PANX1: variants seen among roughly 807,000 people sequenced by gnomAD.
PANX1 encodes the protein pannexin-1.
In PANX1, 30 loss-of-function variants were observed where a neutral mutation model predicts 38.7. The ratio of observed to expected loss-of-function variants is 0.78; its 90% confidence interval spans 0.58 to 1.05. PANX1 has a LOEUF of 1.05. PANX1 is among the 50% of genes least tolerant of loss of function. The pLI, the probability that PANX1 is intolerant of heterozygous loss-of-function variation, is 0.00. For missense variants in PANX1, 551 were observed against 517.2 expected (o/e 1.07, Z -0.63); for synonymous variants, 230 against 212.2 (o/e 1.08, Z -0.73).
At chr11:94,159,299 A>G (rs928445187) in intron 2 of PANX1, among the ~76,000 whole-genome samples, 8 of 151,872 alleles carry the variant, frequency 5.3e-5, no homozygotes, top group African/African-American at 1.7e-4. Flanking sequence ...CTCTTTTTCT[A>G]TTGATTGGAA....
At chr11:94,153,054 CT>C (rs767387031) in intron 1 of PANX1, among the ~76,000 whole-genome samples, 40 of 152,170 alleles carry the variant, frequency 2.6e-4, no homozygotes, top group Non-Finnish European at 4.3e-4. Flanking sequence ...GCTAATAGTT[CT>C]TTGCTTCTTT....
intron 2 of PANX1, among the ~76,000 whole-genome samples, chr11:94,176,672 G>C (rs1234941523): frequency 6.6e-6 from 1 of 151,554 alleles, no homozygotes; most frequent in Non-Finnish European, 1.5e-5. Context: ...GTCAACTTAC[G>C]GCCATCATGG....
chr11:94,147,815 C>T (rs73512249), intron 1 of PANX1, among the ~76,000 whole-genome samples: 4,166 of 152,210 alleles, frequency 0.027, 193 homozygotes, highest in African/African-American at 0.095. Flanking sequence ...TTGACAGTGC[C>T]GTGTCTGATC....
chr11:94,133,757 G>A (rs1393233321), intron 1 of PANX1, among the ~76,000 whole-genome samples: 1 of 152,184 alleles, frequency 6.6e-6, no homozygotes, highest in African/African-American at 2.4e-5. Flanking sequence ...GCCAGAGAAG[G>A]GAGAATCAGT....
chr11:94,176,299 A>G (rs1947231547), intron 2 of PANX1, among the ~76,000 whole-genome samples: 1 of 151,602 alleles, frequency 6.6e-6, no homozygotes, highest in Non-Finnish European at 1.5e-5. Flanking sequence ...CTATATATAT[A>G]TTATTTTATG....
intron 2 of PANX1, chr11:94,175,679 AT>A: frequency 1.0e-5 from 9 of 887,174 alleles, no homozygotes; most frequent in Non-Finnish European, 1.1e-5. Flanking sequence ...TCATGCACTT[AT>A]GTTTTTAAAC....
chr11:94,147,626 G>A (rs971767363), intron 1 of PANX1, among the ~76,000 whole-genome samples: 1 of 152,192 alleles, frequency 6.6e-6, no homozygotes, highest in Non-Finnish European at 1.5e-5. Context: ...AGCGGGCTGC[G>A]TTGTTCATAC....
intron 1 of PANX1, among the ~76,000 whole-genome samples, chr11:94,148,930 T>C (rs1200929165): frequency 3.3e-5 from 5 of 152,132 alleles, no homozygotes; most frequent in African/African-American, 1.2e-4. Flanking sequence ...CACCTCCTCT[T>C]TCTTGTGTTT....
intron 1 of PANX1, among the ~76,000 whole-genome samples, chr11:94,139,216 G>C (rs1946733535): frequency 6.6e-6 from 1 of 152,144 alleles, no homozygotes; most frequent in Non-Finnish European, 1.5e-5. Flanking sequence ...TTTTAGATGT[G>C]AGTAGATACC....
chr11:94,180,450 C>T (rs72972549), intron 4 of PANX1, among the ~76,000 whole-genome samples, 193 bp downstream of exon 4: 3,487 of 152,258 alleles, frequency 0.023, 51 homozygotes, highest in Non-Finnish European at 0.03. Flanking sequence ...AGAATTGGTG[C>T]TGCTCTACAT....
chr11:94,140,370 CA>C (rs1323040809), intron 1 of PANX1, among the ~76,000 whole-genome samples: 7 of 152,352 alleles, frequency 4.6e-5, no homozygotes, highest in African/African-American at 1.7e-4. Flanking sequence ...TTTATGGACA[CA>C]CCTCAATCTC....
chr11:94,151,628 T>A (rs1429414918), intron 1 of PANX1, among the ~76,000 whole-genome samples: 1 of 152,234 alleles, frequency 6.6e-6, no homozygotes, highest in Non-Finnish European at 1.5e-5. Flanking sequence ...TAGGAAGCAT[T>A]TCACACTGAT....
In PANX1 at chr11:94,157,966, A is replaced by G. The variant is rs1946975203; in HGVS notation, c.321+4336A>G. 2.0e-5 allele frequency among the ~76,000 whole-genome samples: 3 copies of G among 152,222 alleles called. No homozygotes were observed. The South Asian group carries it at 6.2e-4, about 32-fold the overall frequency. On this transcript the variant is annotated intron_variant, in intron 2 of 4. Coordinates refer to ENST00000227638, the MANE Select transcript of PANX1 (RefSeq NM_015368.4). ...CAGCTTCAGCTTTCTATGTATAGCT[A>G]GCCAGTTTTCCCAGTACCATTTATT...
intron 1 of PANX1, among the ~76,000 whole-genome samples, chr11:94,137,962 C>T (rs959425326): frequency 3.4e-5 from 5 of 146,140 alleles, no homozygotes; most frequent in South Asian, 2.1e-4. Context: ...ATGTTGTGCA[C>T]GTGTCAAAAT....
chr11:94,178,736 C>CT (rs1268952575), intron 3 of PANX1, 144 bp downstream of exon 3: 1 of 638,800 alleles, frequency 1.6e-6, no homozygotes, highest in Non-Finnish European at 2.8e-6. Flanking sequence ...TAGTGACAGC[C>CT]TGTAGTATCC....
At chr11:94,168,160 A>G (rs1197661447) in intron 2 of PANX1, among the ~76,000 whole-genome samples, 1 of 152,196 alleles carries the variant, frequency 6.6e-6, no homozygotes, top group Non-Finnish European at 1.5e-5. Flanking sequence ...AGAGAGGAAC[A>G]AGCTGGGTGA....
chr11:94,143,844 G>A (rs954626167), intron 1 of PANX1, among the ~76,000 whole-genome samples: 1 of 151,956 alleles, frequency 6.6e-6, no homozygotes, highest in African/African-American at 2.4e-5. Context: ...GACCTCTGGG[G>A]CTCAAGTGAT....
chr11:94,181,168 T>C lies in PANX1; in HGVS notation c.*299T>C, dbSNP rs1314039947. On this transcript the variant is annotated 3_prime_UTR_variant, in exon 5 of 5. Coordinates refer to ENST00000227638, the MANE Select transcript of PANX1 (RefSeq NM_015368.4). ...AACAATTAGTCAAGAGCAGTAGCCC[T>C]GTCAGAGCCTCGGAGCAATACCTTT... 1 of 316,372 alleles carries C rather than the reference T, an allele frequency of 3.2e-6. No individual in the cohort carries two copies. The highest frequency in any genetic ancestry group is 4.2e-5 in the Admixed American group (1 of 23,576). The allele number at this position is 316,372 out of a possible 1,614,324, so 19.6% of individuals were successfully genotyped here.
In PANX1 at chr11:94,129,284, C is replaced by CA; in HGVS notation, c.-29_-28insA. 6.3e-7 allele frequency: 1 copy of CA among 1,584,928 alleles called. No individual in the cohort carries two copies. Among genetic ancestry groups the CA allele is most frequent in the Non-Finnish European group, 8.6e-7 (1 of 1,159,126 alleles). The stretch of plus-strand genomic sequence containing the variant: ...TTCCCGACGCCGGCTGTACCCGGAC[C>CA]TCCTGGTCGAGCCTGGCGCGCCGCA... On this transcript the variant is annotated 5_prime_UTR_variant, in exon 1 of 5. Coordinates refer to ENST00000227638, the MANE Select transcript of PANX1 (RefSeq NM_015368.4).
Sources: allele counts gnomAD v4.1 joint callset (sites outside exome capture counted in the v4.1 genomes callset), GRCh38; gene constraint gnomAD v4.1.1; transcripts MANE v1.5; gene names NCBI Gene and HGNC (gene_info 2026-07-23, HGNC 2026-07-21).